The following COPG2 variants were observed in gnomAD, a reference collection of about 807,000 sequenced individuals.
The protein encoded by COPG2 is coat protein complex I subunit gamma 2, also known as coatomer subunit gamma-2.
In COPG2, 37 loss-of-function variants were observed where a neutral mutation model predicts 46.3. The ratio of observed to expected loss-of-function variants is 0.80; its 90% confidence interval spans 0.61 to 1.05. The LOEUF (loss-of-function observed/expected upper bound fraction) is 1.05. Ranked by LOEUF, COPG2 falls within the 50% of genes least tolerant of loss-of-function variation. COPG2 has a pLI of 0.00. For missense variants in COPG2, 427 were observed against 387.8 expected, an observed-to-expected ratio of 1.10 and a Z score of -0.85; for synonymous variants, 159 against 129.7, an observed-to-expected ratio of 1.23 and a Z score of -1.53.
chr7:130,645,790 A>G (rs1332601671), intron 5 of COPG2, among the ~76,000 whole-genome samples: 4 of 152,098 alleles, frequency 2.6e-5, no homozygotes, highest in African/African-American at 9.7e-5. Flanking sequence ...AAGCTTTCCC[A>G]AGTGTTTTTC....
At chr7:130,665,696 T>C (rs1030149997) in intron 3 of COPG2, among the ~76,000 whole-genome samples, 3 of 152,092 alleles carry the variant, frequency 2.0e-5, no homozygotes, top group African/African-American at 7.2e-5. Flanking sequence ...TATGAGGGAC[T>C]TGAGCATCTA....
At chr7:130,637,132 C>G (rs535435003) in intron 5 of COPG2, among the ~76,000 whole-genome samples, 5 of 152,308 alleles carry the variant, frequency 3.3e-5, no homozygotes, top group African/African-American at 4.8e-5. Context: ...GTAACCCGAC[C>G]TTTCTCTCTG....
intron 4 of COPG2, among the ~76,000 whole-genome samples, chr7:130,656,480 A>G (rs782113746): frequency 1.3e-5 from 2 of 152,174 alleles, no homozygotes; most frequent in Non-Finnish European, 2.9e-5. Flanking sequence ...ATTCCTTGAA[A>G]GATACAAACT....
intron 9 of COPG2, among the ~76,000 whole-genome samples, chr7:130,582,718 A>G (rs1212425165): frequency 5.7e-3 from 665 of 116,860 alleles, no homozygotes; most frequent in South Asian, 0.012. Flanking sequence ...AAAAGAAGAC[A>G]TTTATGCAGC....
Position 130,652,650 on chromosome 7 carries a change from A to G in COPG2, c.323+219T>C, listed in dbSNP as rs904118065. ...TCCATTTTTATGAAAATTTTGATGC[A>G]CTCAAATCTATCAGTATTATCTTTT... On this transcript the variant is annotated intron_variant, in intron 5 of 23. Coordinates refer to ENST00000425248, the MANE Select transcript of COPG2 (RefSeq NM_012133.6). 5.3e-5 allele frequency among the ~76,000 whole-genome samples: 8 copies of G among 152,216 alleles called. No homozygotes were observed. The East Asian group carries it at 1.5e-3, about 29-fold the overall frequency.
intron 17 of COPG2, 146 bp from the exon 18 acceptor site, chr7:130,549,522 C>T (rs896566956): frequency 1.1e-4 from 45 of 396,172 alleles, no homozygotes; most frequent in Middle Eastern, 1.3e-3. Flanking sequence ...TCTATCACTT[C>T]TGGTGGGGGG....
In COPG2 at chr7:130,652,912, CTTTG is replaced by C. The variant is rs1795776009; in HGVS notation, c.276_279del (p.Ile92MetfsTer10). ...ACATCCTCAGAGATGGTAGCCATTT[CTTTG>C]ATGGTAAGGTAGCACATTCTCCTCA... On this transcript the variant is annotated frameshift_variant, in exon 5 of 24. Coordinates refer to ENST00000425248, the MANE Select transcript of COPG2 (RefSeq NM_012133.6). LOFTEE classifies it high-confidence loss of function. The C allele has an allele frequency of 1.2e-6, 2 of 1,607,496 alleles. No homozygotes were observed. The highest frequency in any genetic ancestry group is 1.7e-6 in the Non-Finnish European group (2 of 1,176,398).
At chr7:130,590,215 C>T (rs1292343666) in intron 9 of COPG2, among the ~76,000 whole-genome samples, 4 of 151,782 alleles carry the variant, frequency 2.6e-5, no homozygotes, top group Non-Finnish European at 4.4e-5. Flanking sequence ...CCTCTCCCCA[C>T]GGTCTCTCTC....
chr7:130,550,770 T>C (rs1276976434), intron 16 of COPG2, 121 bp from the exon 17 acceptor site: 1 of 374,434 alleles, frequency 2.7e-6, no homozygotes, highest in African/African-American at 2.1e-5. Context: ...AACCAAAAGC[T>C]TTATAACCTA....
chr7:130,545,040 TA>T lies in COPG2; in HGVS notation c.2149+2633del, dbSNP rs1180886622. ...GATGGAACAACTTTCTGGAAGAGAT[TA>T]GAGGGTATGTGTCTTTTGAACTCTG... On this transcript the variant is annotated intron_variant, in intron 20 of 23. Coordinates refer to ENST00000425248, the MANE Select transcript of COPG2 (RefSeq NM_012133.6). 5.3e-5 allele frequency among the ~76,000 whole-genome samples: 8 copies of T among 152,234 alleles called. No individual in the cohort carries two copies. The South Asian group carries it at 1.7e-3, about 32-fold the overall frequency.
intron 20 of COPG2, among the ~76,000 whole-genome samples, chr7:130,528,988 T>C (rs1434665036): frequency 1.2e-4 from 18 of 152,066 alleles, no homozygotes; most frequent in African/African-American, 3.9e-4. Context: ...AAGGAGGATG[T>C]AGAAGATGCT....
chr7:130,554,325 T>C (rs1793583465), intron 14 of COPG2, among the ~76,000 whole-genome samples, 156 bp downstream of exon 14: 1 of 152,058 alleles, frequency 6.6e-6, no homozygotes, highest in Non-Finnish European at 1.5e-5. Flanking sequence ...AAAATGAGGG[T>C]GGAAATTGAG....
chr7:130,656,710 C>T (rs1438543089), intron 4 of COPG2, among the ~76,000 whole-genome samples: 1 of 151,966 alleles, frequency 6.6e-6, no homozygotes, highest in Admixed American at 6.5e-5. Flanking sequence ...AGCATCAAAA[C>T]ATACTATCTA....
intron 9 of COPG2, among the ~76,000 whole-genome samples, chr7:130,595,071 T>C (rs894769847): frequency 4.4e-4 from 67 of 152,218 alleles, no homozygotes; most frequent in Non-Finnish European, 8.5e-4. Flanking sequence ...TGACCATTTA[T>C]AGCAGCATTA....
chr7:130,556,860 G>A (rs1793634659), intron 12 of COPG2, among the ~76,000 whole-genome samples: 1 of 151,966 alleles, frequency 6.6e-6, no homozygotes, highest in African/African-American at 2.4e-5. Flanking sequence ...GGAACAGATG[G>A]ATATGTCCAT....
intron 5 of COPG2, among the ~76,000 whole-genome samples, chr7:130,635,934 T>C (rs905034149): frequency 1.3e-5 from 2 of 152,212 alleles, no homozygotes; most frequent in Non-Finnish European, 2.9e-5. Flanking sequence ...AAAGAACTTA[T>C]TTATTTCTGC....
Position 130,548,540 on chromosome 7 carries a change from G to T in COPG2, c.1840C>A (p.Gln614Lys), listed in dbSNP as rs1005606152. 7.5e-6 allele frequency: 3 copies of T among 398,456 alleles called. No individual in the cohort carries two copies. Among genetic ancestry groups the T allele is most frequent in the Non-Finnish European group, 1.3e-5 (3 of 226,058 alleles). The allele number at this position is 398,456 out of a possible 1,614,324, so 24.7% of individuals were successfully genotyped here. ...APSRQDIFQEQLAAIPEFLNI... is the reference protein window; with the variant it reads ...APSRQDIFQEKLAAIPEFLNI... ...AGAAACTCAGGAATGGCAGCCAATTGTTCTATCAAGAAAAAAGAACGTAGG... is the reference window on the plus strand; with the variant it reads ...AGAAACTCAGGAATGGCAGCCAATTTTTCTATCAAGAAAAAAGAACGTAGG... The change falls in exon 19 of 24, where the codon CAA becomes AAA. Residue 614 changes from glutamine (Q) to lysine (K), a missense_variant and splice_region_variant. Physicochemically the swap from Gln to Lys is moderately conservative, Grantham distance 53. Transcript: ENST00000425248.
chr7:130,658,323 C>T (rs569318514), intron 4 of COPG2, among the ~76,000 whole-genome samples: 1 of 152,216 alleles, frequency 6.6e-6, no homozygotes, highest in South Asian at 2.1e-4. Flanking sequence ...ATTCATATGA[C>T]TTCCTGGAAA....
intron 5 of COPG2, among the ~76,000 whole-genome samples, chr7:130,626,059 G>C (rs1795114436): frequency 6.6e-6 from 1 of 151,972 alleles, no homozygotes; most frequent in Non-Finnish European, 1.5e-5. Flanking sequence ...ATCACATCAG[G>C]GTAATTAGCA....
Sources: allele counts gnomAD v4.1 joint callset (sites outside exome capture counted in the v4.1 genomes callset), GRCh38; gene constraint gnomAD v4.1.1; transcripts MANE v1.5; gene names NCBI Gene and HGNC (gene_info 2026-07-23, HGNC 2026-07-21).